The following KCNIP4 variants were observed in gnomAD, a reference collection of about 807,000 sequenced individuals.
The protein encoded by KCNIP4 is Kv channel-interacting protein 4.
In KCNIP4, 12 loss-of-function variants were observed where a neutral mutation model predicts 34.0. That is an observed-to-expected ratio of 0.35 (90% CI 0.23 to 0.57). The LOEUF (loss-of-function observed/expected upper bound fraction) is 0.57, where lower values mean the gene tolerates loss of function less well. Ranked by LOEUF, KCNIP4 falls within the 20% of genes least tolerant of loss-of-function variation. KCNIP4 has a pLI of 0.83. For synonymous variants in KCNIP4, 124 were observed against 102.2 expected, an observed-to-expected ratio of 1.21 and a Z score of -1.29; for missense variants, 238 against 311.7, an observed-to-expected ratio of 0.76 and a Z score of 1.78.
chr4:21,110,676 G>T (rs1423867030), intron 1 of KCNIP4, among the ~76,000 whole-genome samples: 1 of 152,168 alleles, frequency 6.6e-6, no homozygotes, highest in Admixed American at 6.5e-5. Context: ...GGCATTAGGA[G>T]GTGAGGGTCT....
intron 1 of KCNIP4, among the ~76,000 whole-genome samples, chr4:21,434,187 C>G (rs1726747420): frequency 6.6e-6 from 1 of 152,108 alleles, no homozygotes; most frequent in Non-Finnish European, 1.5e-5. Context: ...AGTAGTAAAA[C>G]AGATATTCAT....
chr4:20,889,619 T>C lies in KCNIP4; in HGVS notation c.62-6910A>G, dbSNP rs185032699. On this transcript the variant is annotated intron_variant, in intron 1 of 8. Coordinates refer to ENST00000382152, the MANE Select transcript of KCNIP4 (RefSeq NM_025221.6). ...TAATTGTGCAATTCTGCTTTTTAAATAGGAACTATTGGCCTGCTTGGCCCT... is the reference window on the plus strand; with the variant it reads ...TAATTGTGCAATTCTGCTTTTTAAACAGGAACTATTGGCCTGCTTGGCCCT... 2.1e-3 allele frequency among the ~76,000 whole-genome samples: 321 copies of C among 152,224 alleles called. 1 individual carries two copies. The highest frequency in any genetic ancestry group is 7.4e-3 in the African/African-American group (307 of 41,558).
At chr4:21,262,732 C>T (rs541459788) in intron 1 of KCNIP4, among the ~76,000 whole-genome samples, 6 of 152,278 alleles carry the variant, frequency 3.9e-5, no homozygotes, top group East Asian at 3.9e-4. Flanking sequence ...TGCAAAAGCA[C>T]GCTAAGAGAC....
intron 1 of KCNIP4, among the ~76,000 whole-genome samples, chr4:21,402,709 T>C (rs924404225): frequency 2.6e-5 from 4 of 151,820 alleles, no homozygotes; most frequent in African/African-American, 9.7e-5. Flanking sequence ...TTGCTCTCTC[T>C]GGTCATAGAT....
At chr4:20,953,434 T>A (rs1732986200) in intron 1 of KCNIP4, among the ~76,000 whole-genome samples, 1 of 152,148 alleles carries the variant, frequency 6.6e-6, no homozygotes, top group Non-Finnish European at 1.5e-5. Flanking sequence ...CACTTTGGTA[T>A]AAGCCTCCAA....
At chr4:21,750,240 T>C (rs889435803) in intron 1 of KCNIP4, among the ~76,000 whole-genome samples, 1 of 152,184 alleles carries the variant, frequency 6.6e-6, no homozygotes, top group African/African-American at 2.4e-5. Context: ...TTTATTTTAT[T>C]TAGCAGTGGC....
At chr4:21,203,963 C>T (rs1447926071) in intron 1 of KCNIP4, among the ~76,000 whole-genome samples, 1 of 152,106 alleles carries the variant, frequency 6.6e-6, no homozygotes, top group Non-Finnish European at 1.5e-5. Flanking sequence ...GCTCCAGGTA[C>T]AGGAAAACAC....
intron 1 of KCNIP4, among the ~76,000 whole-genome samples, chr4:21,508,173 T>G (rs11737456): frequency 1.3e-5 from 2 of 152,102 alleles, no homozygotes; most frequent in Admixed American, 1.3e-4. Context: ...TATTTTCACT[T>G]AAGGATGCAA....
intron 3 of KCNIP4, among the ~76,000 whole-genome samples, chr4:20,821,762 C>A (rs535907546): frequency 1.3e-5 from 2 of 152,150 alleles, no homozygotes; most frequent in South Asian, 2.1e-4. Flanking sequence ...GTTACTTTAC[C>A]TAGAAAAATG....
At chr4:21,735,966 C>A (rs1262423064) in intron 1 of KCNIP4, among the ~76,000 whole-genome samples, 5 of 152,208 alleles carry the variant, frequency 3.3e-5, no homozygotes, top group African/African-American at 1.2e-4. Flanking sequence ...CCATGCATGG[C>A]CATGTGACTT....
intron 2 of KCNIP4, among the ~76,000 whole-genome samples, chr4:20,870,705 G>A (rs1224126738): frequency 6.6e-6 from 1 of 152,010 alleles, no homozygotes; most frequent in Non-Finnish European, 1.5e-5. Context: ...ATCATCTTTT[G>A]GAATAGAATT....
intron 1 of KCNIP4, among the ~76,000 whole-genome samples, chr4:21,250,515 GAGGAATACGC>G: frequency 6.6e-6 from 1 of 152,120 alleles, no homozygotes; most frequent in Non-Finnish European, 1.5e-5. Context: ...GGTTTTCCAG[GAGGAATACGC>G]AGGATACAAA....
intron 1 of KCNIP4, among the ~76,000 whole-genome samples, chr4:21,586,567 G>A (rs73252285): frequency 0.065 from 9,926 of 151,972 alleles, 476 homozygotes; most frequent in African/African-American, 0.13. Context: ...GAATTAAAAG[G>A]TTCCAAAAAG....
At chr4:21,069,883 G>A (rs1468806169) in intron 1 of KCNIP4, among the ~76,000 whole-genome samples, 2 of 152,084 alleles carry the variant, frequency 1.3e-5, no homozygotes, top group African/African-American at 4.8e-5. Flanking sequence ...GTAGTTCTGT[G>A]TCATATTAGC....
At chr4:21,107,465 C>T (rs1748675977) in intron 1 of KCNIP4, among the ~76,000 whole-genome samples, 2 of 151,232 alleles carry the variant, frequency 1.3e-5, no homozygotes, top group African/African-American at 2.5e-5. Flanking sequence ...GATTTTCCTC[C>T]ATCCTTTTAT....
At chr4:20,975,472 C>T (rs758134725) in intron 1 of KCNIP4, among the ~76,000 whole-genome samples, 1 of 152,078 alleles carries the variant, frequency 6.6e-6, no homozygotes, top group Non-Finnish European at 1.5e-5. Flanking sequence ...ATGACAATAC[C>T]AGGCAGATGG....
rs1354879163 is a variant in KCNIP4, at chr4:21,456,332, T to C, written c.61+492239A>G. ...AAGATTTGCGTACATATCCTACCAG[T>C]CTAAGCACGTTTGAATGATGGCACA... On this transcript the variant is annotated intron_variant, in intron 1 of 8. Transcript: ENST00000382152. Among the ~76,000 whole-genome samples the C allele has an allele frequency of 3.4e-5, 5 of 147,610 alleles. 2 individuals carry two copies. The highest frequency in any genetic ancestry group is 1.3e-4 in the African/African-American group (5 of 37,770).
At chr4:21,518,182 T>A (rs1004368641) in intron 1 of KCNIP4, among the ~76,000 whole-genome samples, 2 of 152,174 alleles carry the variant, frequency 1.3e-5, no homozygotes, top group Non-Finnish European at 2.9e-5. Context: ...ACACACCCCC[T>A]ACTCCATCAA....
chr4:21,258,100 C>G (rs138239452), intron 1 of KCNIP4, among the ~76,000 whole-genome samples: 1 of 152,296 alleles, frequency 6.6e-6, no homozygotes, highest in East Asian at 1.9e-4. Flanking sequence ...TTTCCAAACA[C>G]TTTCTCATCT....
Sources: allele counts gnomAD v4.1 joint callset (sites outside exome capture counted in the v4.1 genomes callset), GRCh38; gene constraint gnomAD v4.1.1; transcripts MANE v1.5; gene names NCBI Gene and HGNC (gene_info 2026-07-23, HGNC 2026-07-21).